POLR1A: variants seen among roughly 807,000 people sequenced by gnomAD.
POLR1A encodes the protein DNA-directed RNA polymerase I subunit RPA1.
A neutral mutation model predicts 205.3 loss-of-function variants in POLR1A; 84 were observed. The observed-to-expected ratio is 0.41, with a 90% CI of 0.34 to 0.49. POLR1A has a LOEUF of 0.49. Ranked by LOEUF, POLR1A falls within the 20% of genes least tolerant of loss-of-function variation. The probability of loss-of-function intolerance (pLI) is 0.22; values close to 1 mark genes in which losing one functional copy is unlikely to be tolerated. For synonymous variants in POLR1A, 799 were observed against 863.7 expected, an observed-to-expected ratio of 0.93 and a Z score of 1.31; for missense variants, 1,645 against 2,204.5, an observed-to-expected ratio of 0.75 and a Z score of 5.08.
chr2:86,042,074 C>G lies in POLR1A; in HGVS notation c.3387G>C (p.Glu1129Asp), dbSNP rs753633798. The change falls in exon 24 of 34, where the codon GAG becomes GAC. Residue 1129 changes from glutamate to aspartate, a missense_variant. Physicochemically the swap from Glu to Asp is conservative, Grantham distance 45 (BLOSUM62 2). Around this residue, in one of 16 missense-constraint regions of POLR1A, gnomAD observed 201 missense variants for 222.3 expected, o/e 0.90. Transcript: ENST00000263857. ...EMLRMWYELDEESRRKYQKKA... is the reference protein window; with the variant it reads ...EMLRMWYELDDESRRKYQKKA... ...TCTTCTGGTATTTCCTTCGGCTTTCCTCATCCAACTCATACCACATCCTCA... is the reference window on the plus strand; with the variant it reads ...TCTTCTGGTATTTCCTTCGGCTTTCGTCATCCAACTCATACCACATCCTCA... 8 of 1,612,772 alleles carry G rather than the reference C, an allele frequency of 5.0e-6. 1 individual carries two copies. The East Asian group carries it at 1.8e-4, about 36-fold the overall frequency.
At chr2:86,093,934 T>C (rs1573835362) in intron 3 of POLR1A, among the ~76,000 whole-genome samples, 1 of 152,254 alleles carries the variant, frequency 6.6e-6, no homozygotes, top group African/African-American at 2.4e-5. Context: ...TTAACTTTAG[T>C]CATTAGCAGT....
At chr2:86,051,668 T>G (rs1325988919) in intron 16 of POLR1A, among the ~76,000 whole-genome samples, 2 of 152,244 alleles carry the variant, frequency 1.3e-5, no homozygotes, top group African/African-American at 2.4e-5. Flanking sequence ...TCTGTGTACA[T>G]GGAGGTGCAG....
At chr2:86,081,020 G>A in intron 8 of POLR1A, 42 bp from the exon 9 acceptor site, 2 of 1,565,262 alleles carry the variant, frequency 1.3e-6, no homozygotes, top group South Asian at 2.4e-5. Context: ...TTAGTGTGAG[G>A]AAAGGGTCAT....
chr2:86,039,538 T>C (rs1019580731), intron 25 of POLR1A, 76 bp from the exon 26 acceptor site: 16 of 1,551,820 alleles, frequency 1.0e-5, no homozygotes, highest in African/African-American at 1.4e-5. Flanking sequence ...CTCCTAATGA[T>C]GTCAGAGTTC....
chr2:86,089,123 A>T (rs1299162230), intron 4 of POLR1A, among the ~76,000 whole-genome samples: 2 of 152,228 alleles, frequency 1.3e-5, no homozygotes, highest in Non-Finnish European at 2.9e-5. Flanking sequence ...GCTCTTACTA[A>T]GACAAAGAAT....
In POLR1A at chr2:86,052,842, C is replaced by A. The variant is rs1347323816; in HGVS notation, c.2367G>T (p.Leu789=). The A allele has an allele frequency of 3.8e-6, 6 of 1,582,896 alleles. No individual in the cohort carries two copies. In the East Asian group the frequency reaches 1.2e-4, roughly 31 times the overall value. Residue 789 remains leucine (L), a synonymous_variant, in exon 16 of 34, where the codon CTG becomes CTT. Transcript: ENST00000263857. ...TCLARLFTAY[L]QLYRGFTLGV... ...CCAAGGTGAAGCCTCTGTAGAGCTG[C>A]AGGTAGGCGGTGAAGAGGCGGGCCA...
At position 86,031,356 on chromosome 2, in the gene POLR1A, C is replaced by T. The variant is rs774906086; in HGVS notation, c.4552G>A (p.Asp1518Asn). The T allele has an allele frequency of 1.1e-5, 17 of 1,578,700 alleles. No homozygotes were observed. Among genetic ancestry groups the T allele is most frequent in the Admixed American group, 1.8e-5 (1 of 56,624 alleles). Residue 1518 changes from aspartate (D) to asparagine (N), a missense_variant, in exon 30 of 34, where the codon GAC (aspartate) becomes AAC (asparagine). Transcript: ENST00000263857. ...TGGCACCACAGGCTCTCCTCGGTGTCGTACTGGTAGTCATCTATGAACGGG... is the reference window on the plus strand; with the variant it reads ...TGGCACCACAGGCTCTCCTCGGTGTTGTACTGGTAGTCATCTATGAACGGG... Reference protein sequence around the residue: ...IHPFIDDYQYDTEESLWCQVT... With the variant: ...IHPFIDDYQYNTEESLWCQVT...
intron 30 of POLR1A, 40 bp downstream of exon 30, chr2:86,031,290 G>A: frequency 6.6e-7 from 1 of 1,513,108 alleles, no homozygotes; most frequent in Non-Finnish European, 8.8e-7. Flanking sequence ...TGGCCAGCTG[G>A]ACCAACCACC....
intron 3 of POLR1A, among the ~76,000 whole-genome samples, chr2:86,092,016 C>T (rs1332319728): frequency 5.3e-5 from 8 of 151,830 alleles, no homozygotes; most frequent in Non-Finnish European, 7.4e-5. Flanking sequence ...TCAAGGAGGC[C>T]GAGGCAGGAG....
At chr2:86,071,057 A>T (rs146416956) in intron 12 of POLR1A, among the ~76,000 whole-genome samples, 53 of 152,210 alleles carry the variant, frequency 3.5e-4, no homozygotes, top group African/African-American at 1.3e-3. Context: ...GTGTATCCAC[A>T]CTATGGAATA....
At chr2:86,092,315 G>A (rs1478347015) in intron 3 of POLR1A, among the ~76,000 whole-genome samples, 1 of 152,156 alleles carries the variant, frequency 6.6e-6, no homozygotes, top group Admixed American at 6.5e-5. Flanking sequence ...TGTTAGAAAC[G>A]ATATTGATTC....
chr2:86,049,551 G>T (rs1304895672), intron 16 of POLR1A, among the ~76,000 whole-genome samples: 2 of 152,166 alleles, frequency 1.3e-5, no homozygotes, highest in Non-Finnish European at 2.9e-5. Flanking sequence ...TTAGCCACCA[G>T]CTATACTATC....
chr2:86,028,504 G>T lies in POLR1A; in HGVS notation c.4897+90C>A. On this transcript the variant is annotated intron_variant, in intron 32 of 33. Coordinates refer to ENST00000263857, the MANE Select transcript of POLR1A (RefSeq NM_015425.6). The surrounding 1 kb of genome is among the most constrained non-coding windows in gnomAD (Gnocchi z 4.5). ...CTTAGTGCTGGACTGACTCGGTGCT[G>T]GACCGACACGGTCCTGACCCTCCTG... The T allele has an allele frequency of 1.1e-6, 1 of 891,068 alleles. No homozygotes were observed. The highest frequency in any genetic ancestry group is 1.9e-6 in the Non-Finnish European group (1 of 525,372). 55.2% of individuals were successfully genotyped at this position (891,068 alleles called of 1,614,324 possible).
At position 86,041,178 on chromosome 2, in the gene POLR1A, TGTGTGTGTGTGTGC is replaced by T. The variant is rs1183980534; in HGVS notation, c.3573-633_3573-620del. ...GTGTGTGTGTGTGTGTGTGTGTGTG[TGTGTGTGTGTGTGC>T]GCGCTGAGCTACAGTGTCTGTGTGT... On this transcript the variant is annotated intron_variant, in intron 24 of 33. Transcript: ENST00000263857. 4.3e-3 allele frequency among the ~76,000 whole-genome samples: 431 copies of T among 99,934 alleles called. 3 individuals are homozygous for T. Among genetic ancestry groups the T allele is most frequent in the African/African-American group, 0.014 (384 of 26,554 alleles). 65.6% of individuals were successfully genotyped at this position (99,934 alleles called of 152,430 possible). A position where few individuals can be genotyped will look rare whatever the true frequency, so the allele number is the denominator to read the frequency against.
At chr2:86,030,019 C>T (rs1672352996) in intron 31 of POLR1A, among the ~76,000 whole-genome samples, 177 bp downstream of exon 31, 2 of 152,184 alleles carry the variant, frequency 1.3e-5, no homozygotes, top group South Asian at 4.1e-4. Flanking sequence ...CCCCAGAATC[C>T]CCGGGAGGCA....
rs1194758703 is a variant in POLR1A at position 86,105,839 on chromosome 2, T to C, written c.-63A>G. On this transcript the variant is annotated 5_prime_UTR_variant, in exon 1 of 34. Transcript: ENST00000263857. ...CGTTCCACTCACCACCTGACTATTC[T>C]TAATTCAACCTCAAGCCCGGAGTCA... The C allele has an allele frequency of 1.3e-5, 18 of 1,414,196 alleles. No homozygotes were observed. Among genetic ancestry groups the C allele is most frequent in the Non-Finnish European group, 1.7e-5 (17 of 1,003,192 alleles). 87.6% of individuals were successfully genotyped at this position (1,414,196 alleles called of 1,614,324 possible). A position where few individuals can be genotyped will look rare whatever the true frequency, so the allele number is the denominator to read the frequency against.
At chr2:86,072,734 A>G (rs1227952161) in intron 12 of POLR1A, among the ~76,000 whole-genome samples, 3 of 152,226 alleles carry the variant, frequency 2.0e-5, no homozygotes, top group Non-Finnish European at 4.4e-5. Context: ...TCTTTTATTT[A>G]CAAGGCCCAG....
intron 12 of POLR1A, among the ~76,000 whole-genome samples, chr2:86,071,116 T>G (rs1448674060): frequency 1.4e-5 from 2 of 147,254 alleles, no homozygotes; most frequent in African/African-American, 5.0e-5. Context: ...AGGCCTAAAG[T>G]GATAGCAATA....
chr2:86,063,335 C>CAAAAAAAAAAAAAAAAAAAAA (rs34298205), intron 14 of POLR1A, among the ~76,000 whole-genome samples: 1 of 41,244 alleles, frequency 2.4e-5, no homozygotes, highest in Admixed American at 5.0e-4. Flanking sequence ...AACTCCATCT[C>CAAAAAAAAAAAAAAAAAAAAA]AAAAAAAAAA....
Sources: allele counts gnomAD v4.1 joint callset (sites outside exome capture counted in the v4.1 genomes callset), GRCh38; gene constraint gnomAD v4.1.1; regional missense constraint gnomAD v4.1.1; non-coding constraint Gnocchi (gnomAD v3.1); transcripts MANE v1.5; gene names NCBI Gene and HGNC (gene_info 2026-07-23, HGNC 2026-07-21).